TBC1D22A: variants seen among roughly 807,000 people sequenced by gnomAD.
TBC1D22A encodes putative GTPase activator.
A neutral mutation model predicts 60.2 loss-of-function variants in TBC1D22A; 38 were observed. The observed-to-expected ratio is 0.63, with a 90% CI of 0.49 to 0.83. TBC1D22A has a LOEUF of 0.83. Among genes scored for constraint, TBC1D22A ranks in the 40% least tolerant of loss-of-function variants. TBC1D22A has a pLI of 0.00. For missense variants in TBC1D22A, 628 were observed against 701.0 expected (o/e 0.90, Z 1.18); for synonymous variants, 302 against 281.7 (o/e 1.07, Z -0.72).
chr22:46,928,162 T>G (rs892007496), intron 8 of TBC1D22A, among the ~76,000 whole-genome samples: 2 of 151,958 alleles, frequency 1.3e-5, no homozygotes, highest in Admixed American at 1.3e-4. Context: ...GACTCACGCA[T>G]TCTGGTATCA....
chr22:47,150,247 A>G (rs1257797254), intron 12 of TBC1D22A, among the ~76,000 whole-genome samples: 1 of 152,118 alleles, frequency 6.6e-6, no homozygotes, highest in African/African-American at 2.4e-5. Flanking sequence ...CAAAGCAGGA[A>G]CCAAATACTG....
intron 5 of TBC1D22A, among the ~76,000 whole-genome samples, chr22:46,887,910 C>T (rs1308050145): frequency 1.3e-5 from 2 of 152,128 alleles, no homozygotes; most frequent in African/African-American, 4.8e-5. Flanking sequence ...GAATAGATGA[C>T]AGTGGAAGCT....
At chr22:46,768,574 G>C (rs566781076) in intron 1 of TBC1D22A, among the ~76,000 whole-genome samples, 16 of 151,692 alleles carry the variant, frequency 1.1e-4, no homozygotes, top group African/African-American at 3.6e-4. Context: ...TGACTCTCTT[G>C]GCTCCCGAAG....
At chr22:46,868,617 G>A (rs2067163798) in intron 4 of TBC1D22A, among the ~76,000 whole-genome samples, 1 of 152,144 alleles carries the variant, frequency 6.6e-6, no homozygotes, top group Admixed American at 6.5e-5. Context: ...AGGTGAGGCT[G>A]TCATTGTACC....
chr22:47,057,141 T>A (rs1406149027), intron 11 of TBC1D22A, among the ~76,000 whole-genome samples: 1 of 152,206 alleles, frequency 6.6e-6, no homozygotes, highest in Non-Finnish European at 1.5e-5. Flanking sequence ...TGTTTTGATG[T>A]CAAGTTTGGT....
At chr22:47,020,733 A>T (rs984480319) in intron 10 of TBC1D22A, among the ~76,000 whole-genome samples, 3 of 152,090 alleles carry the variant, frequency 2.0e-5, no homozygotes, top group Admixed American at 1.3e-4. Context: ...GGTGACTGCC[A>T]TGGGTCATCA....
chr22:47,074,340 A>G (rs993590181), intron 11 of TBC1D22A, among the ~76,000 whole-genome samples: 2 of 152,244 alleles, frequency 1.3e-5, no homozygotes, highest in African/African-American at 2.4e-5. Flanking sequence ...ATGTGTGTCA[A>G]CACATCTATT....
chr22:46,933,653 G>A (rs1334305265), intron 8 of TBC1D22A, among the ~76,000 whole-genome samples: 1 of 152,200 alleles, frequency 6.6e-6, no homozygotes, highest in Non-Finnish European at 1.5e-5. Flanking sequence ...CTGTGCCAGG[G>A]TGGCACTGGC....
intron 8 of TBC1D22A, among the ~76,000 whole-genome samples, chr22:46,931,798 G>A (rs565847775): frequency 6.6e-6 from 1 of 152,280 alleles, no homozygotes; most frequent in Admixed American, 6.5e-5. Flanking sequence ...CTGATCTGAC[G>A]GACCTTCATT....
intron 5 of TBC1D22A, among the ~76,000 whole-genome samples, chr22:46,881,120 A>G (rs972010094): frequency 6.6e-6 from 1 of 152,126 alleles, no homozygotes; most frequent in Non-Finnish European, 1.5e-5. Flanking sequence ...ACCAGGTGAC[A>G]GCCGCCCTAC....
intron 8 of TBC1D22A, among the ~76,000 whole-genome samples, chr22:46,937,541 G>A (rs534842307): frequency 2.0e-4 from 31 of 152,256 alleles, no homozygotes; most frequent in African/African-American, 7.5e-4. Flanking sequence ...TGGTTTAAGT[G>A]CTTAGTATAC....
intron 11 of TBC1D22A, among the ~76,000 whole-genome samples, chr22:47,041,621 C>T (rs2062846547): frequency 6.6e-6 from 1 of 152,196 alleles, no homozygotes; most frequent in Non-Finnish European, 1.5e-5. Context: ...GCGTCCTGGG[C>T]TCGGATGGAG....
intron 4 of TBC1D22A, among the ~76,000 whole-genome samples, chr22:46,822,387 C>T (rs535586519): frequency 1.3e-5 from 2 of 152,188 alleles, no homozygotes; most frequent in South Asian, 2.1e-4. Context: ...TGTCTAGTTT[C>T]GGTCTTTGAG....
intron 10 of TBC1D22A, among the ~76,000 whole-genome samples, chr22:47,007,924 A>G (rs925347041): frequency 3.4e-4 from 52 of 152,320 alleles, no homozygotes; most frequent in African/African-American, 1.1e-3. Flanking sequence ...TGGGGTTTAG[A>G]CCAAGATACA....
chr22:46,866,622 G>A (rs1435841811), intron 4 of TBC1D22A, among the ~76,000 whole-genome samples: 1 of 152,250 alleles, frequency 6.6e-6, no homozygotes, highest in African/African-American at 2.4e-5. Flanking sequence ...ATGAAGCGGT[G>A]GAGAAATTCC....
intron 4 of TBC1D22A, among the ~76,000 whole-genome samples, chr22:46,852,515 G>A (rs1388398036): frequency 6.6e-6 from 1 of 152,180 alleles, no homozygotes; most frequent in Non-Finnish European, 1.5e-5. Flanking sequence ...GAATCTCAGT[G>A]GCGTGAGGTC....
chr22:46,771,007 TC>T (rs2083462743), intron 1 of TBC1D22A, among the ~76,000 whole-genome samples: 1 of 152,210 alleles, frequency 6.6e-6, no homozygotes, highest in Non-Finnish European at 1.5e-5. Context: ...CTTTTCTTGT[TC>T]CTTTCAGCGG....
chr22:47,169,797 T>A (rs1369458009), intron 12 of TBC1D22A, among the ~76,000 whole-genome samples: 1 of 152,214 alleles, frequency 6.6e-6, no homozygotes, highest in Non-Finnish European at 1.5e-5. Flanking sequence ...AACTTTTAGA[T>A]CCACAGATGT....
intron 4 of TBC1D22A, among the ~76,000 whole-genome samples, chr22:46,841,460 G>T (rs745565838): frequency 6.6e-6 from 1 of 152,116 alleles, no homozygotes; most frequent in Non-Finnish European, 1.5e-5. Flanking sequence ...TCCAGTCTCA[G>T]GTATTTTGTT....
Sources: allele counts gnomAD v4.1 joint callset (sites outside exome capture counted in the v4.1 genomes callset), GRCh38; gene constraint gnomAD v4.1.1; transcripts MANE v1.5; gene names NCBI Gene and HGNC (gene_info 2026-07-23, HGNC 2026-07-21).